DMXL2: variants seen among roughly 807,000 people sequenced by gnomAD.
DMXL2 encodes Dmx like 2, also known as dmX-like protein 2.
Under a neutral mutation model 331.1 loss-of-function variants are expected in DMXL2, and 103 were observed. That is an observed-to-expected ratio of 0.31 (90% CI 0.27 to 0.37). The LOEUF is 0.37. Ranked by LOEUF, DMXL2 falls within the 10% of genes least tolerant of loss-of-function variation. The pLI, the probability that DMXL2 is intolerant of heterozygous loss-of-function variation, is 1.00. For synonymous variants in DMXL2, 1,281 were observed against 1,252.1 expected, an observed-to-expected ratio of 1.02 and a Z score of -0.49; for missense variants, 3,171 against 3,642.9, an observed-to-expected ratio of 0.87 and a Z score of 3.33.
intron 13 of DMXL2, among the ~76,000 whole-genome samples, chr15:51,521,452 AGT>A (rs2047367837): frequency 8.5e-6 from 1 of 117,362 alleles, no homozygotes; most frequent in Non-Finnish European, 2.1e-5. Flanking sequence ...TAGTAGTAGT[AGT>A]AGTAGTAGTG....
rs536863046 is a variant in DMXL2 at position 51,560,525 on chromosome 15, A to C, written c.567+2856T>G. The stretch of plus-strand genomic sequence containing the variant: ...CTACCAAAAAAAAAAAAAAAAAAAA[A>C]AAAAAACTAGCCAGATGTGATGGTA... On this transcript the variant is annotated intron_variant, in intron 6 of 43. Coordinates refer to ENST00000560891, the MANE Select transcript of DMXL2 (RefSeq NM_001378457.1). 2.0e-3 allele frequency among the ~76,000 whole-genome samples: 300 copies of C among 149,910 alleles called. 11 individuals carry two copies. The East Asian group carries it at 0.047, about 23-fold the overall frequency.
chr15:51,491,557 A>T (rs781024916), intron 20 of DMXL2, 21 bp downstream of exon 20: 22 of 1,576,096 alleles, frequency 1.4e-5, no homozygotes, highest in Non-Finnish European at 1.9e-5. Context: ...TATAACTCAA[A>T]ATCCACTAAA....
intron 1 of DMXL2, among the ~76,000 whole-genome samples, chr15:51,583,218 T>G (rs2051593251): frequency 9.2e-6 from 1 of 108,744 alleles, no homozygotes; most frequent in African/African-American, 3.6e-5. Flanking sequence ...GCTGGTGCGC[T>G]GCACCCACTA....
intron 22 of DMXL2, among the ~76,000 whole-genome samples, chr15:51,487,697 A>T (rs1048525871): frequency 9.9e-5 from 15 of 152,172 alleles, no homozygotes; most frequent in Non-Finnish European, 2.1e-4. Flanking sequence ...ACCTCAGGTG[A>T]TCTACCTTCC....
At chr15:51,473,876 G>C (rs1595932817) in intron 28 of DMXL2, among the ~76,000 whole-genome samples, 1 of 152,206 alleles carries the variant, frequency 6.6e-6, no homozygotes, top group African/African-American at 2.4e-5. Flanking sequence ...CTGTGTGTAT[G>C]ATTGGAATGG....
intron 6 of DMXL2, among the ~76,000 whole-genome samples, chr15:51,563,053 C>T (rs1380281678): frequency 1.3e-5 from 2 of 152,094 alleles, no homozygotes; most frequent in Non-Finnish European, 2.9e-5. Flanking sequence ...ATGAGGCAAG[C>T]AGTACATCTT....
chr15:51,591,236 A>C (rs778633429), intron 1 of DMXL2, among the ~76,000 whole-genome samples: 12 of 152,222 alleles, frequency 7.9e-5, no homozygotes, highest in Admixed American at 2.0e-4. Flanking sequence ...TCCCACCCTA[A>C]TACTGTGCTT....
At chr15:51,512,242 G>A (rs1051641230) in intron 15 of DMXL2, among the ~76,000 whole-genome samples, 10 of 152,092 alleles carry the variant, frequency 6.6e-5, no homozygotes, top group Admixed American at 1.3e-4. Flanking sequence ...GTGGCATAAT[G>A]AGGGTGTATA....
chr15:51,611,928 GGCTA>G (rs1271660894), intron 1 of DMXL2, among the ~76,000 whole-genome samples: 2 of 152,296 alleles, frequency 1.3e-5, no homozygotes, highest in African/African-American at 4.8e-5. Context: ...AATAAAAGCT[GGCTA>G]CCACAGCCAG....
chr15:51,530,237 C>T (rs779551473), intron 13 of DMXL2, among the ~76,000 whole-genome samples: 3 of 151,984 alleles, frequency 2.0e-5, no homozygotes, highest in Non-Finnish European at 4.4e-5. Flanking sequence ...CTCAGGCAAT[C>T]AGACAAAAGA....
intron 16 of DMXL2, 137 bp from the exon 17 acceptor site, chr15:51,503,170 A>G: frequency 3.0e-6 from 2 of 660,262 alleles, no homozygotes; most frequent in South Asian, 2.1e-5. Flanking sequence ...GAGAAAAGAG[A>G]GCTCTTTTTA....
chr15:51,451,486 T>A (rs532377179), intron 42 of DMXL2, among the ~76,000 whole-genome samples, 159 bp downstream of exon 42: 9 of 152,326 alleles, frequency 5.9e-5, no homozygotes, highest in Non-Finnish European at 1.3e-4. Flanking sequence ...ATATGCTAAT[T>A]AACTTTCCAA....
At chr15:51,517,851 A>G (rs1335698486) in intron 13 of DMXL2, among the ~76,000 whole-genome samples, 1 of 152,226 alleles carries the variant, frequency 6.6e-6, no homozygotes, top group African/African-American at 2.4e-5. Context: ...AAGTACAAGC[A>G]TATACACTGG....
chr15:51,591,304 G>A (rs1044469636), intron 1 of DMXL2, among the ~76,000 whole-genome samples: 3 of 152,220 alleles, frequency 2.0e-5, no homozygotes, highest in Non-Finnish European at 4.4e-5. Flanking sequence ...CTGGCTCGGA[G>A]GGTCCTACGC....
intron 18 of DMXL2, among the ~76,000 whole-genome samples, chr15:51,496,524 G>C (rs2043192628): frequency 6.6e-6 from 1 of 152,160 alleles, no homozygotes; most frequent in Non-Finnish European, 1.5e-5. Flanking sequence ...CCACTGTAAG[G>C]CTCTTAACTT....
intron 13 of DMXL2, among the ~76,000 whole-genome samples, chr15:51,519,137 G>A (rs1448131040): frequency 6.6e-6 from 1 of 152,008 alleles, no homozygotes; most frequent in Non-Finnish European, 1.5e-5. Flanking sequence ...GTGTTTTGAT[G>A]TATATTTTTT....
At chr15:51,621,509 C>T (rs1253800575) in intron 1 of DMXL2, among the ~76,000 whole-genome samples, 1 of 152,046 alleles carries the variant, frequency 6.6e-6, no homozygotes, top group Non-Finnish European at 1.5e-5. Context: ...TAAGGAAGAC[C>T]ATGTATAAAT....
chr15:51,514,670 C>G (rs2046933955), intron 14 of DMXL2, 111 bp from the exon 15 acceptor site: 1 of 671,092 alleles, frequency 1.5e-6, no homozygotes, highest in African/African-American at 1.9e-5. Context: ...CTAACAATTT[C>G]TATTCTTTAC....
intron 6 of DMXL2, among the ~76,000 whole-genome samples, chr15:51,548,994 A>G (rs1016000895): frequency 2.0e-5 from 3 of 151,896 alleles, no homozygotes; most frequent in African/African-American, 7.3e-5. Flanking sequence ...TTGGGGGAAC[A>G]GGTAGTGTTT....
Sources: allele counts gnomAD v4.1 joint callset (sites outside exome capture counted in the v4.1 genomes callset), GRCh38; gene constraint gnomAD v4.1.1; transcripts MANE v1.5; gene names NCBI Gene and HGNC (gene_info 2026-07-23, HGNC 2026-07-21).